The following MSL3 variants were observed in gnomAD, a reference collection of about 807,000 sequenced individuals.
The protein encoded by MSL3 is MSL complex subunit 3, also known as MSL3-like 1.
Under a neutral mutation model 37.2 loss-of-function variants are expected in MSL3, and 5 were observed. The observed-to-expected ratio is 0.13, with a 90% CI of 0.07 to 0.28. The LOEUF (loss-of-function observed/expected upper bound fraction) is 0.28, where lower values mean the gene tolerates loss of function less well. Ranked by LOEUF, MSL3 falls within the 10% of genes least tolerant of loss-of-function variation. The pLI is 1.00. For synonymous variants in MSL3, 149 were observed against 147.6 expected (o/e 1.01, Z -0.07); for missense variants, 315 against 408.5 (o/e 0.77, Z 1.97).
At chrX:11,766,240 T>A in intron 9 of MSL3, 1 of 765,774 alleles carries the variant, frequency 1.3e-6, no homozygotes, top group Non-Finnish European at 1.5e-6. Context: ...CACCTTGATT[T>A]TGAGCTGGAA....
At chrX:11,762,039 G>T in intron 5 of MSL3, 91 bp from the exon 6 acceptor site, 1 of 704,765 alleles carries the variant, frequency 1.4e-6, no homozygotes, top group Non-Finnish European at 2.0e-6. Context: ...GATTGTTGAG[G>T]ATTAGCTGGG....
rs757659444 is a variant in MSL3, at chrX:11,772,174, G to A, written c.1300G>A (p.Val434Met). The change falls in exon 11 of 13, where the codon GTG (valine) becomes ATG (methionine). Residue 434 changes from valine (V) to methionine (M), a missense_variant. By Grantham distance (21) the Val-to-Met change is conservative (BLOSUM62 1). Coordinates refer to ENST00000312196, the MANE Select transcript of MSL3 (RefSeq NM_078629.4). The stretch of plus-strand genomic sequence containing the variant: ...TTTCCAGGTCCTCTCCTGGAAGCTT[G>A]TGCCTGACAATTACCCCCCAGGTGA... ...EINEVLSWKL[V>M]PDNYPPGDQP... 8.3e-7 allele frequency: 1 copy of A among 1,209,166 alleles called. No individual in the cohort carries two copies. Among genetic ancestry groups the A allele is most frequent in the Non-Finnish European group, 1.1e-6 (1 of 893,461 alleles).
intron 10 of MSL3, among the ~76,000 whole-genome samples, chrX:11,771,829 C>A (rs1371849561): frequency 2.7e-5 from 3 of 112,343 alleles, no homozygotes; most frequent in East Asian, 5.5e-4. Flanking sequence ...GATCCACACA[C>A]CTCGGCCTCC....
chrX:11,758,236 G>A (rs1375992797), upstream of MSL3: 15 of 802,932 alleles, frequency 1.9e-5, no homozygotes, highest in South Asian at 2.9e-5. Context: ...GCCCGCCCCG[G>A]AGCCTCGCCC....
chrX:11,772,363 G>T, intron 11 of MSL3, 108 bp downstream of exon 11: 1 of 627,965 alleles, frequency 1.6e-6, no homozygotes, highest in Non-Finnish European at 2.4e-6. Context: ...AAGAAATTTG[G>T]GGATCCAAGA....
chrX:11,758,641 C>T, intron 1 of MSL3: 4 of 1,159,082 alleles, frequency 3.5e-6, no homozygotes, highest in South Asian at 3.9e-5. Flanking sequence ...ACCGTTTGCG[C>T]CCCCGACTGC....
intron 12 of MSL3, 44 bp from the exon 13 acceptor site, chrX:11,774,936 T>C (rs754260115): frequency 2.1e-6 from 2 of 957,502 alleles, no homozygotes; most frequent in Non-Finnish European, 3.0e-6. Flanking sequence ...TGATGGTATT[T>C]AGTCCTTAGT....
chrX:11,764,027 G>T, intron 8 of MSL3, 89 bp downstream of exon 8: 1 of 825,034 alleles, frequency 1.2e-6, no homozygotes. Flanking sequence ...TGATGGTGTG[G>T]GCCAACATGT....
chrX:11,768,250 C>G (rs1364955930), intron 9 of MSL3: 1 of 141,358 alleles, frequency 7.1e-6, no homozygotes, highest in Non-Finnish European at 1.4e-5. Context: ...CTGGCAACCA[C>G]TAAGCTGCTT....
intron 10 of MSL3, among the ~76,000 whole-genome samples, chrX:11,771,308 TTCA>T (rs2053230428): frequency 1.8e-5 from 2 of 111,961 alleles, no homozygotes; most frequent in Admixed American, 9.4e-5. Context: ...TTTACGGAAA[TTCA>T]TCAGAGAGTT....
chrX:11,758,410 C>G, intron 1 of MSL3, 45 bp downstream of exon 1: 3 of 808,978 alleles, frequency 3.7e-6, no homozygotes, highest in Middle Eastern at 4.4e-4. Context: ...CTGGGGGACC[C>G]GGGACCGGGG....
At chrX:11,763,451 T>C (rs1014020681) in intron 7 of MSL3, among the ~76,000 whole-genome samples, 4 of 112,854 alleles carry the variant, frequency 3.5e-5, no homozygotes, top group Non-Finnish European at 7.5e-5. Flanking sequence ...AGGGATTCAC[T>C]AGGGTCAACC....
chrX:11,772,506 A>G, intron 11 of MSL3, 115 bp from the exon 12 acceptor site: 1 of 513,067 alleles, frequency 1.9e-6, no homozygotes, highest in Non-Finnish European at 3.3e-6. Context: ...GATAATGTGG[A>G]TGTTAATTTC....
chrX:11,761,422 C>T (rs1274117915), intron 4 of MSL3, 78 bp from the exon 5 acceptor site: 2 of 579,571 alleles, frequency 3.5e-6, no homozygotes, highest in Non-Finnish European at 5.4e-6. Flanking sequence ...AGCACCCACA[C>T]TACACGTGAA....
chrX:11,766,213 A>G (rs1232928157), intron 9 of MSL3: 4 of 770,211 alleles, frequency 5.2e-6, no homozygotes, highest in Admixed American at 1.7e-4. Flanking sequence ...CCCAACTCAA[A>G]CTCCATCAGA....
chrX:11,766,898 G>T (rs200154556), intron 9 of MSL3: 118 of 753,255 alleles, frequency 1.6e-4, no homozygotes, highest in East Asian at 1.4e-3. Flanking sequence ...ACTACTTGGA[G>T]TCGAATCCCC....
intron 9 of MSL3, chrX:11,767,934 T>G (rs1265430074): frequency 1.3e-6 from 1 of 752,660 alleles, no homozygotes; most frequent in Non-Finnish European, 1.6e-6. Context: ...AAAAAGACTG[T>G]TTTTAAAAAG....
At chrX:11,768,728 A>G (rs760386107) in intron 10 of MSL3, 46 bp downstream of exon 10, 14 of 842,770 alleles carry the variant, frequency 1.7e-5, no homozygotes, top group Non-Finnish European at 2.3e-5. Flanking sequence ...TTTATTTGTG[A>G]TTACTTCAAT....
At chrX:11,759,597 G>C in intron 1 of MSL3, 196 bp from the exon 2 acceptor site, 1 of 1,061,050 alleles carries the variant, frequency 9.4e-7, no homozygotes. Flanking sequence ...TCACGGGGTG[G>C]TTGGACGGAT....
Sources: allele counts gnomAD v4.1 joint callset (sites outside exome capture counted in the v4.1 genomes callset), GRCh38; gene constraint gnomAD v4.1.1; transcripts MANE v1.5; gene names NCBI Gene and HGNC (gene_info 2026-07-23, HGNC 2026-07-21).